HECW2: variants seen among roughly 807,000 people sequenced by gnomAD.
The protein encoded by HECW2 is E3 ubiquitin-protein ligase HECW2.
A neutral mutation model predicts 175.2 loss-of-function variants in HECW2; 61 were observed. That is an observed-to-expected ratio of 0.35 (90% CI 0.28 to 0.43). HECW2 has a LOEUF of 0.43. Ranked by LOEUF, HECW2 falls within the 20% of genes least tolerant of loss-of-function variation. The pLI, the probability that HECW2 is intolerant of heterozygous loss-of-function variation, is 1.00. For missense variants in HECW2, 1,524 were observed against 2,000.5 expected (o/e 0.76, Z 4.54); for synonymous variants, 671 against 731.0 (o/e 0.92, Z 1.32).
intron 2 of HECW2, among the ~76,000 whole-genome samples, chr2:196,364,257 C>A (rs1344293191): frequency 6.6e-6 from 1 of 152,180 alleles, no homozygotes; most frequent in African/African-American, 2.4e-5. Context: ...TATCTATTTT[C>A]CTATATGGAG....
chr2:196,579,028 C>A (rs10185373), intron 1 of HECW2, among the ~76,000 whole-genome samples: 1 of 151,704 alleles, frequency 6.6e-6, no homozygotes, highest in Non-Finnish European at 1.5e-5. Flanking sequence ...AGTGTAGTCA[C>A]GGGTTTATAA....
At chr2:196,347,306 T>C (rs891614692) in intron 2 of HECW2, among the ~76,000 whole-genome samples, 2 of 152,014 alleles carry the variant, frequency 1.3e-5, no homozygotes, top group Non-Finnish European at 2.9e-5. Flanking sequence ...GTGATCCACC[T>C]GCTTTGGCCT....
At chr2:196,265,064 C>T (rs1308476743) in intron 17 of HECW2, among the ~76,000 whole-genome samples, 1 of 152,222 alleles carries the variant, frequency 6.6e-6, no homozygotes, top group Non-Finnish European at 1.5e-5. Flanking sequence ...GCTCAGTCCT[C>T]AGTCTAGGCA....
chr2:196,398,031 A>G (rs1334597326), intron 2 of HECW2, among the ~76,000 whole-genome samples: 1 of 147,744 alleles, frequency 6.8e-6, no homozygotes, highest in African/African-American at 2.4e-5. Flanking sequence ...AATAAGAGGT[A>G]GGTGGTTTCA....
intron 13 of HECW2, among the ~76,000 whole-genome samples, chr2:196,305,921 C>T (rs1241324142): frequency 6.6e-6 from 1 of 152,122 alleles, no homozygotes; most frequent in Non-Finnish European, 1.5e-5. Context: ...CTTCAGTAAG[C>T]CACTCCCTCA....
At chr2:196,370,963 A>C (rs1372604264) in intron 2 of HECW2, among the ~76,000 whole-genome samples, 2 of 152,198 alleles carry the variant, frequency 1.3e-5, no homozygotes, top group African/African-American at 4.8e-5. Context: ...TGCCTCTTTC[A>C]GTGGCATGAA....
chr2:196,510,658 TTTAA>T (rs1400329617), intron 1 of HECW2, among the ~76,000 whole-genome samples: 1 of 152,216 alleles, frequency 6.6e-6, no homozygotes, highest in African/African-American at 2.4e-5. Context: ...AAGGTAGGGT[TTTAA>T]TTGTTATTTT....
At chr2:196,387,268 A>C (rs1356363694) in intron 2 of HECW2, among the ~76,000 whole-genome samples, 3 of 152,120 alleles carry the variant, frequency 2.0e-5, no homozygotes, top group Non-Finnish European at 4.4e-5. Context: ...CTCTCAAAAA[A>C]ACCATATGTT....
intron 1 of HECW2, among the ~76,000 whole-genome samples, chr2:196,490,701 C>T (rs1687155690): frequency 6.6e-6 from 1 of 152,124 alleles, no homozygotes; most frequent in African/African-American, 2.4e-5. Context: ...TAAAAACCAA[C>T]CCAAATGTCC....
intron 11 of HECW2, 42 bp downstream of exon 11, chr2:196,307,893 A>G (rs367664167): frequency 1.7e-5 from 24 of 1,435,554 alleles, no homozygotes; most frequent in Admixed American, 2.2e-5. Flanking sequence ...AAATTAGCCC[A>G]ACCACAAAAT....
In HECW2 at chr2:196,375,158, CA is replaced by C. The variant is rs1407971130; in HGVS notation, c.293-31395del. Among the ~76,000 whole-genome samples, 636 of 91,916 alleles carry C rather than the reference CA, an allele frequency of 6.9e-3. 3 individuals carry two copies. Among genetic ancestry groups the C allele is most frequent in the Middle Eastern group, 0.013 (2 of 150 alleles). 60.3% of individuals were successfully genotyped at this position (91,916 alleles called of 152,430 possible). On this transcript the variant is annotated intron_variant, in intron 2 of 28. Transcript: ENST00000644978. ...TGGGCAACAGAGTAAGACTCAGTCT[CA>C]AAAAAAAAAAAGAAAGAAAAAAAAG...
At chr2:196,341,217 G>A (rs985207279) in intron 3 of HECW2, among the ~76,000 whole-genome samples, 8 of 151,054 alleles carry the variant, frequency 5.3e-5, no homozygotes, top group Non-Finnish European at 7.4e-5. Flanking sequence ...CATGAGCCTT[G>A]TAATATCAAT....
rs1277762467 is a variant in HECW2, at chr2:196,285,853, C to T, written c.3000+6712G>A. Among the ~76,000 whole-genome samples, 4 of 152,166 alleles carry T rather than the reference C, an allele frequency of 2.6e-5. No individual in the cohort carries two copies. The East Asian group carries it at 5.8e-4, about 22-fold the overall frequency. ...CAAAAAAGCTTATAGAAAAGTATTA[C>T]GTTTAACTGCTATGACTGCAGCTCT... On this transcript the variant is annotated intron_variant, in intron 14 of 28. Coordinates refer to ENST00000644978, the MANE Select transcript of HECW2 (RefSeq NM_001348768.2).
intron 28 of HECW2, among the ~76,000 whole-genome samples, chr2:196,203,941 T>C (rs1686966882): frequency 6.6e-6 from 1 of 152,198 alleles, no homozygotes; most frequent in Non-Finnish European, 1.5e-5. Flanking sequence ...CCCTATGTAC[T>C]TCATATAAGT....
chr2:196,551,128 G>A (rs932248182), intron 1 of HECW2, among the ~76,000 whole-genome samples: 2 of 152,124 alleles, frequency 1.3e-5, no homozygotes, highest in African/African-American at 2.4e-5. Flanking sequence ...AAATCCAAAT[G>A]TTCCTCTCAT....
chr2:196,556,546 C>T (rs763376586), intron 1 of HECW2, among the ~76,000 whole-genome samples: 1 of 152,132 alleles, frequency 6.6e-6, no homozygotes, highest in Non-Finnish European at 1.5e-5. Flanking sequence ...TCTTTCTGTG[C>T]CTGGCATATT....
intron 25 of HECW2, 81 bp from the exon 26 acceptor site, chr2:196,220,234 A>G: frequency 1.1e-6 from 1 of 899,282 alleles, no homozygotes; most frequent in Non-Finnish European, 1.8e-6. Context: ...AAAAGGGGAC[A>G]CATGGAGTTT....
chr2:196,500,256 TG>T (rs1484114457), intron 1 of HECW2, among the ~76,000 whole-genome samples: 2 of 152,170 alleles, frequency 1.3e-5, no homozygotes, highest in African/African-American at 4.8e-5. Flanking sequence ...TGAATATCAA[TG>T]TTTTGCTTTT....
chr2:196,345,696 A>G (rs905103933), intron 2 of HECW2, among the ~76,000 whole-genome samples: 2 of 152,182 alleles, frequency 1.3e-5, no homozygotes, highest in Non-Finnish European at 2.9e-5. Flanking sequence ...CTGCAGCTAC[A>G]CACAATTCTT....
Sources: gnomAD v4.1 joint callset for allele counts (sites outside exome capture counted in the v4.1 genomes callset) on GRCh38, gnomAD v4.1.1 for gene constraint, MANE v1.5 for transcripts, NCBI Gene and HGNC (gene_info 2026-07-23, HGNC 2026-07-21) for gene names.